The following CTNNA2 variants were observed in gnomAD, a reference collection of about 807,000 sequenced individuals.
CTNNA2 encodes catenin alpha 2, also known as catenin alpha-2.
Under a neutral mutation model 101.0 loss-of-function variants are expected in CTNNA2, and 42 were observed. That is an observed-to-expected ratio of 0.42 (90% CI 0.32 to 0.54). CTNNA2 has a LOEUF of 0.54. Ranked by LOEUF, CTNNA2 falls within the 20% of genes least tolerant of loss-of-function variation. The pLI is 0.14. For missense variants in CTNNA2, 871 were observed against 1,223.1 expected (o/e 0.71, Z 4.29); for synonymous variants, 450 against 456.4 (o/e 0.99, Z 0.18).
intron 2 of CTNNA2, among the ~76,000 whole-genome samples, chr2:79,266,680 C>T (rs1217236081): frequency 1.3e-5 from 2 of 151,830 alleles, no homozygotes; most frequent in Admixed American, 6.6e-5. Flanking sequence ...GGCATGCTGC[C>T]ACATCAAAAT....
At chr2:79,823,990 G>T (rs1220360165) in intron 3 of CTNNA2, among the ~76,000 whole-genome samples, 4 of 152,012 alleles carry the variant, frequency 2.6e-5, no homozygotes, top group Non-Finnish European at 5.9e-5. Context: ...TGTCTGTTTA[G>T]GGGGAAAAAA....
chr2:80,513,164 AG>A (rs1044150674), intron 9 of CTNNA2, among the ~76,000 whole-genome samples: 2 of 152,180 alleles, frequency 1.3e-5, no homozygotes, highest in South Asian at 2.1e-4. Context: ...TCCACACCAG[AG>A]GGGGGTCCTA....
At chr2:79,767,503 C>T (rs1673249750) in intron 3 of CTNNA2, among the ~76,000 whole-genome samples, 1 of 152,032 alleles carries the variant, frequency 6.6e-6, no homozygotes, top group South Asian at 2.1e-4. Context: ...GGAAGGCTTT[C>T]CAGATATTTG....
At chr2:79,859,543 T>TA (rs1423033830) in intron 4 of CTNNA2, among the ~76,000 whole-genome samples, 1 of 152,074 alleles carries the variant, frequency 6.6e-6, no homozygotes, top group African/African-American at 2.4e-5. Context: ...AACATAAAGG[T>TA]AGTGTATCTG....
chr2:80,330,066 GA>G (rs1671185119), intron 7 of CTNNA2, among the ~76,000 whole-genome samples: 1 of 152,220 alleles, frequency 6.6e-6, no homozygotes, highest in Non-Finnish European at 1.5e-5. Flanking sequence ...CTTCCTACCA[GA>G]ACCAAATAAT....
chr2:80,031,605 G>C (rs1246291529), intron 7 of CTNNA2, among the ~76,000 whole-genome samples: 1 of 152,176 alleles, frequency 6.6e-6, no homozygotes, highest in Non-Finnish European at 1.5e-5. Flanking sequence ...TTCAAGATGA[G>C]ATTTTGTTGG....
intron 8 of CTNNA2, among the ~76,000 whole-genome samples, chr2:80,403,978 A>C (rs1010780870): frequency 6.6e-6 from 1 of 152,220 alleles, no homozygotes; most frequent in Non-Finnish European, 1.5e-5. Flanking sequence ...GGTAGTGGAT[A>C]AACTTTTTAA....
chr2:80,482,151 C>T (rs1383087647), intron 9 of CTNNA2, among the ~76,000 whole-genome samples: 2 of 151,978 alleles, frequency 1.3e-5, no homozygotes, highest in East Asian at 3.9e-4. Flanking sequence ...AGGCAACAGA[C>T]TTTGATTAAT....
intron 1 of CTNNA2, among the ~76,000 whole-genome samples, chr2:79,643,320 C>A (rs1680583339): frequency 6.6e-6 from 1 of 152,118 alleles, no homozygotes; most frequent in South Asian, 2.1e-4. Flanking sequence ...AGAGATATCC[C>A]ATATAACTAC....
intron 2 of CTNNA2, among the ~76,000 whole-genome samples, chr2:79,722,078 GA>G (rs1686525237): frequency 6.6e-6 from 1 of 152,076 alleles, no homozygotes; most frequent in Non-Finnish European, 1.5e-5. Context: ...TCTAAAAACT[GA>G]ATTACATAAA....
At chr2:79,209,111 T>G (rs538745394) in intron 2 of CTNNA2, among the ~76,000 whole-genome samples, 1 of 152,044 alleles carries the variant, frequency 6.6e-6, no homozygotes, top group Non-Finnish European at 1.5e-5. Context: ...AGTCCAGGAA[T>G]TCAAGACCAG....
chr2:80,250,411 A>C (rs1246487680), intron 7 of CTNNA2, among the ~76,000 whole-genome samples: 1 of 152,184 alleles, frequency 6.6e-6, no homozygotes, highest in Non-Finnish European at 1.5e-5. Context: ...GAGATGTTTC[A>C]GGGAGTAAAC....
chr2:80,138,484 C>T (rs1357957600), intron 7 of CTNNA2, among the ~76,000 whole-genome samples: 2 of 152,112 alleles, frequency 1.3e-5, no homozygotes, highest in East Asian at 3.9e-4. Context: ...AGAATAGTGT[C>T]TGGCATGCAA....
At chr2:79,925,847 T>C (rs1686982511) in intron 7 of CTNNA2, among the ~76,000 whole-genome samples, 1 of 150,104 alleles carries the variant, frequency 6.7e-6, no homozygotes, top group Admixed American at 6.7e-5. Flanking sequence ...ATTTTTAAAA[T>C]AATGGCATTC....
chr2:80,236,811 GAC>G (rs1709574490), intron 7 of CTNNA2, among the ~76,000 whole-genome samples: 1 of 152,150 alleles, frequency 6.6e-6, no homozygotes, highest in Admixed American at 6.6e-5. Context: ...TGGCTAATCA[GAC>G]ACAGAGAATC....
intron 4 of CTNNA2, among the ~76,000 whole-genome samples, chr2:79,426,792 C>T (rs1678596459): frequency 6.6e-6 from 1 of 152,058 alleles, no homozygotes; most frequent in African/African-American, 2.4e-5. Flanking sequence ...TTCATTCATT[C>T]AGGTCAATAA....
chr2:80,119,460 A>G (rs1042157402), intron 7 of CTNNA2, among the ~76,000 whole-genome samples: 16 of 152,142 alleles, frequency 1.1e-4, no homozygotes, highest in African/African-American at 3.1e-4. Context: ...GGATAAACCA[A>G]TATCTGTGTC....
At chr2:80,038,498 A>C (rs1179499095) in intron 7 of CTNNA2, among the ~76,000 whole-genome samples, 19 of 152,044 alleles carry the variant, frequency 1.2e-4, no homozygotes. Context: ...AGTCGGGCAG[A>C]TCACCTGAGG....
chr2:79,930,351 AGAAAGAAT>A (rs66907846), intron 7 of CTNNA2, among the ~76,000 whole-genome samples: 5,570 of 87,522 alleles, frequency 0.064, 222 homozygotes, highest in Middle Eastern at 0.11. Context: ...AAAGAAAGAA[AGAAAGAAT>A]GAACACGGGT....
Sources: allele counts gnomAD v4.1 joint callset (sites outside exome capture counted in the v4.1 genomes callset), GRCh38; gene constraint gnomAD v4.1.1; transcripts MANE v1.5; gene names NCBI Gene and HGNC (gene_info 2026-07-23, HGNC 2026-07-21).